The following COL4A3 variants were observed in gnomAD, a reference collection of about 807,000 sequenced individuals.
COL4A3 encodes the protein collagen type IV alpha 3 chain, also known as collagen alpha-3(IV) chain.
COL4A3 carries 135 observed loss-of-function variants against 217.4 expected under a neutral mutation model. The ratio of observed to expected loss-of-function variants is 0.62; its 90% CI spans 0.54 to 0.72. The LOEUF is 0.72. COL4A3 is among the 30% of genes least tolerant of loss of function. The pLI, the probability that COL4A3 is intolerant of heterozygous loss-of-function variation, is 0.00. For synonymous variants in COL4A3, 690 were observed against 736.3 expected (o/e 0.94, Z 1.02); for missense variants, 1,868 against 2,119.9 (o/e 0.88, Z 2.33).
intron 1 of COL4A3, among the ~76,000 whole-genome samples, chr2:227,194,545 G>T (rs1157921695): frequency 6.6e-6 from 1 of 152,164 alleles, no homozygotes; most frequent in Non-Finnish European, 1.5e-5. Flanking sequence ...TGGTCCTCAT[G>T]GTCAGCCCCT....
At chr2:227,222,704 A>C (rs972463755) in intron 1 of COL4A3, 16 of 152,234 alleles carry the variant, frequency 1.1e-4, no homozygotes, top group African/African-American at 3.9e-4. Flanking sequence ...TGGAATCAGC[A>C]AAACTCAGCC....
chr2:227,216,758 C>G (rs2067543375), intron 1 of COL4A3, among the ~76,000 whole-genome samples: 1 of 152,144 alleles, frequency 6.6e-6, no homozygotes, highest in African/African-American at 2.4e-5. Context: ...TCCCTTAGGG[C>G]CCAAAAGTGT....
intron 2 of COL4A3, among the ~76,000 whole-genome samples, chr2:227,239,534 C>T (rs930302045): frequency 6.6e-6 from 1 of 152,318 alleles, no homozygotes; most frequent in South Asian, 2.1e-4. Flanking sequence ...CTTTCACTCA[C>T]TTTTACTAGG....
intron 19 of COL4A3, among the ~76,000 whole-genome samples, chr2:227,260,340 G>A (rs929962116): frequency 6.6e-6 from 1 of 152,216 alleles, no homozygotes; most frequent in Non-Finnish European, 1.5e-5. Context: ...AAATCCAAAA[G>A]TTCTGGGCCA....
chr2:227,312,276 G>A lies in COL4A3; in HGVS notation c.*406G>A, dbSNP rs759265728. The stretch of plus-strand genomic sequence containing the variant: ...GGCTAAATCAGTGTTTGATTGCCCC[G>A]CCAACCCTTCCTGAAACTTCAGACC... On this transcript the variant is annotated 3_prime_UTR_variant, in exon 52 of 52. Coordinates refer to ENST00000396578, the MANE Select transcript of COL4A3 (RefSeq NM_000091.5). 1.8e-4 allele frequency: 46 copies of A among 250,966 alleles called. No homozygotes were observed. The highest frequency in any genetic ancestry group is 3.2e-4 in the Non-Finnish European group (41 of 127,450). The allele number at this position is 250,966 out of a possible 1,614,324, so 15.5% of individuals were successfully genotyped here.
At chr2:227,219,448 C>T (rs6436664) in intron 1 of COL4A3, among the ~76,000 whole-genome samples, 68,382 of 152,068 alleles carry the variant, frequency 0.45, 16,701 homozygotes, top group Non-Finnish European at 0.57. Context: ...GAGCCAATCC[C>T]AAAGACTTTT....
intron 1 of COL4A3, among the ~76,000 whole-genome samples, chr2:227,231,680 C>T (rs2068414161): frequency 6.6e-6 from 1 of 152,078 alleles, no homozygotes; most frequent in Non-Finnish European, 1.5e-5. Flanking sequence ...ACCACCATGT[C>T]CAGCTAAATT....
chr2:227,215,959 G>A (rs1574591644), intron 1 of COL4A3, among the ~76,000 whole-genome samples: 1 of 152,254 alleles, frequency 6.6e-6, no homozygotes, highest in Non-Finnish European at 1.5e-5. Flanking sequence ...CTTATGCTAA[G>A]TGAAAGAAGC....
In COL4A3 at chr2:227,276,455, T is replaced by A; in HGVS notation, c.1998T>A (p.His666Gln). 6.2e-7 allele frequency: 1 copy of A among 1,614,056 alleles called. No homozygotes were observed. Among genetic ancestry groups the A allele is most frequent in the African/African-American group, 1.3e-5 (1 of 75,058 alleles). The change falls in exon 27 of 52, where the codon CAT becomes CAA. Residue 666 changes from histidine (H) to glutamine (Q), a missense_variant. Coordinates refer to ENST00000396578, the MANE Select transcript of COL4A3 (RefSeq NM_000091.5). The stretch of plus-strand genomic sequence containing the variant: ...CAGGACCTCCAGGGCCCCCTGGCCA[T>A]CCTGGCCCCCAAGGTCCACCTGGTA... ...GPPGPPGPPG[H>Q]PGPQGPPGIP...
At chr2:227,280,292 A>G in intron 29 of COL4A3, 148 bp from the exon 30 acceptor site, 2 of 786,898 alleles carry the variant, frequency 2.5e-6, no homozygotes, top group South Asian at 1.7e-5. Flanking sequence ...ATAATCTTAC[A>G]GAAAAGTCAG....
intron 3 of COL4A3, among the ~76,000 whole-genome samples, chr2:227,241,605 C>T (rs984044294): frequency 1.3e-5 from 2 of 151,954 alleles, no homozygotes; most frequent in African/African-American, 4.8e-5. Flanking sequence ...GCCCTGGAGG[C>T]GGAGGCTGCA....
rs1229770191 is a variant in COL4A3, at chr2:227,203,152, TATATAC to T, written c.88-34810_88-34805del. Among the ~76,000 whole-genome samples, 9 of 37,294 alleles carry T rather than the reference TATATAC, an allele frequency of 2.4e-4. 4 individuals are homozygous for T. Among genetic ancestry groups the T allele is most frequent in the Non-Finnish European group, 3.4e-4 (7 of 20,444 alleles). The allele number at this position is 37,294 out of a possible 152,430, so 24.5% of individuals were successfully genotyped here. The stretch of plus-strand genomic sequence containing the variant: ...ATACATATATGTGTATATATGTGTA[TATATAC>T]ATATATGTGTATATATGTGTATATG... On this transcript the variant is annotated intron_variant, in intron 1 of 51. Transcript: ENST00000396578.
At chr2:227,304,192 C>A in intron 46 of COL4A3, 48 bp downstream of exon 46, 1 of 1,610,886 alleles carries the variant, frequency 6.2e-7, no homozygotes, top group South Asian at 1.1e-5. Context: ...GTGGTTGAAC[C>A]AAAATACCTG....
At position 227,245,958 on chromosome 2, in the gene COL4A3, C is replaced by G. The variant is rs543390575; in HGVS notation, c.329C>G (p.Thr110Ser). The G allele has an allele frequency of 4.5e-5, 73 of 1,613,698 alleles. No homozygotes were observed. In the South Asian group the frequency reaches 7.7e-4, roughly 17 times the overall value. Residue 110 changes from threonine to serine, a missense_variant, in exon 6 of 52, where the codon ACC (threonine) becomes AGC (serine). Physicochemically the swap from Thr to Ser is moderately conservative, Grantham distance 58. This residue lies in a region of COL4A3 where 365 missense variants were observed against 333.8 expected (regional missense o/e 1.09). Coordinates refer to ENST00000396578, the MANE Select transcript of COL4A3 (RefSeq NM_000091.5). ...TGAGACTTGTTCTTCTTCCAGGGCACCCCAGGCAATACCGGGCCTTACGGA... is the reference window on the plus strand; with the variant it reads ...TGAGACTTGTTCTTCTTCCAGGGCAGCCCAGGCAATACCGGGCCTTACGGA... ...GFSGSPGLPG[T>S]PGNTGPYGLV...
chr2:227,264,461 C>T (rs1011103151), intron 21 of COL4A3, among the ~76,000 whole-genome samples: 1 of 152,032 alleles, frequency 6.6e-6, no homozygotes, highest in African/African-American at 2.4e-5. Context: ...AGAGGTGTGC[C>T]GCATGGGTGT....
intron 1 of COL4A3, among the ~76,000 whole-genome samples, chr2:227,181,661 G>A (rs191870055): frequency 1.7e-3 from 264 of 152,090 alleles, no homozygotes; most frequent in African/African-American, 5.9e-3. Flanking sequence ...TTACGTATCC[G>A]GCTTTTTTGA....
chr2:227,232,428 G>GT (rs1350409258), intron 1 of COL4A3, among the ~76,000 whole-genome samples: 5 of 152,174 alleles, frequency 3.3e-5, no homozygotes, highest in African/African-American at 9.7e-5. Context: ...GCAATTTTTA[G>GT]TTTTTTGAGG....
intron 18 of COL4A3, among the ~76,000 whole-genome samples, chr2:227,258,010 T>C (rs1367214315): frequency 6.6e-6 from 1 of 152,146 alleles, no homozygotes; most frequent in Non-Finnish European, 1.5e-5. Flanking sequence ...TGACAACGTG[T>C]TTAATACATG....
intron 47 of COL4A3, among the ~76,000 whole-genome samples, chr2:227,306,770 A>T (rs558660502): frequency 6.6e-6 from 1 of 152,284 alleles, no homozygotes; most frequent in East Asian, 1.9e-4. Flanking sequence ...CCCAGGGGCA[A>T]CAAAACTAAT....
Sources: gnomAD v4.1 joint callset for allele counts (sites outside exome capture counted in the v4.1 genomes callset) on GRCh38, gnomAD v4.1.1 for gene constraint, gnomAD v4.1.1 regional missense constraint, MANE v1.5 for transcripts, NCBI Gene and HGNC (gene_info 2026-07-23, HGNC 2026-07-21) for gene names.